TTLL7: variants seen among roughly 807,000 people sequenced by gnomAD.
TTLL7 encodes the protein tubulin polyglutamylase TTLL7.
In TTLL7, 53 loss-of-function variants were observed where a neutral mutation model predicts 120.2. The observed-to-expected ratio is 0.44, with a 90% CI of 0.35 to 0.55. TTLL7 has a LOEUF of 0.55. TTLL7 is among the 20% of genes least tolerant of loss of function. The pLI is 0.00. For missense variants in TTLL7, 803 were observed against 1,054.7 expected, an observed-to-expected ratio of 0.76 and a Z score of 3.31; for synonymous variants, 353 against 351.7, an observed-to-expected ratio of 1.00 and a Z score of -0.04.
chr1:83,897,865 T>TTAA (rs371249790), intron 18 of TTLL7, among the ~76,000 whole-genome samples: 3 of 127,370 alleles, frequency 2.4e-5, no homozygotes, highest in Admixed American at 1.7e-4. Flanking sequence ...TGTTTTCCAT[T>TTAA]AAAAAAAAAA....
chr1:83,974,740 T>C (rs959313781), intron 1 of TTLL7, among the ~76,000 whole-genome samples: 1 of 152,076 alleles, frequency 6.6e-6, no homozygotes, highest in African/African-American at 2.4e-5. Flanking sequence ...TATCGTTACA[T>C]GTTTTTATCT....
Position 83,907,439 on chromosome 1 carries a change from C to CA in TTLL7, c.1992+16dup. On this transcript the variant is annotated intron_variant, in intron 16 of 20. Coordinates refer to ENST00000260505, the MANE Select transcript of TTLL7 (RefSeq NM_024686.6). ...AGAGCTCCCTGTAATCTTGAAAGAG[C>CA]AAAACAGATGACCTACCACTTGAGA... 1 of 1,610,510 alleles carries CA rather than the reference C, an allele frequency of 6.2e-7. No homozygotes were observed. Among genetic ancestry groups the CA allele is most frequent in the Non-Finnish European group, 8.5e-7 (1 of 1,177,908 alleles).
chr1:83,952,831 A>G (rs1649181213), intron 1 of TTLL7, among the ~76,000 whole-genome samples: 1 of 152,200 alleles, frequency 6.6e-6, no homozygotes, highest in Non-Finnish European at 1.5e-5. Context: ...ATTACAACAC[A>G]GAGATTAAAA....
At chr1:83,966,558 C>T (rs994812241) in intron 1 of TTLL7, among the ~76,000 whole-genome samples, 3 of 151,922 alleles carry the variant, frequency 2.0e-5, no homozygotes, top group Non-Finnish European at 4.4e-5. Context: ...AATATAACCA[C>T]GGCCTAAACT....
intron 10 of TTLL7, among the ~76,000 whole-genome samples, chr1:83,922,434 C>T (rs1658756560): frequency 6.6e-6 from 1 of 152,002 alleles, no homozygotes; most frequent in African/African-American, 2.4e-5. Context: ...GAATATGAGT[C>T]GAAGGCCCTA....
intron 19 of TTLL7, chr1:83,887,212 C>G (rs562752134): frequency 8.7e-7 from 1 of 1,153,960 alleles, no homozygotes; most frequent in African/African-American, 1.7e-5. Context: ...CAGGCAAAGG[C>G]AAGAATCAAG....
chr1:83,998,998 G>T lies in TTLL7; in HGVS notation c.-244C>A, dbSNP rs1351825320. ...CAAGCGGTCCCCCAGGTGCTCCCGC[G>T]CCTCGCAGCTTCCCCGTGGGCGGCC... On this transcript the variant is annotated 5_prime_UTR_variant, in exon 1 of 21. Coordinates refer to ENST00000260505, the MANE Select transcript of TTLL7 (RefSeq NM_024686.6). 2.3e-6 allele frequency: 1 copy of T among 443,896 alleles called. No homozygotes were observed. Among genetic ancestry groups the T allele is most frequent in the African/African-American group, 2.1e-5 (1 of 48,504 alleles). 27.5% of individuals were successfully genotyped at this position (443,896 alleles called of 1,614,324 possible).
At chr1:83,890,296 T>C (rs755428182) in intron 19 of TTLL7, 25 bp downstream of exon 19, 2 of 1,575,280 alleles carry the variant, frequency 1.3e-6, no homozygotes, top group Non-Finnish European at 1.7e-6. Flanking sequence ...AAAATGACGA[T>C]AATAAAAGAT....
intron 18 of TTLL7, among the ~76,000 whole-genome samples, chr1:83,892,347 C>T (rs61766866): frequency 9.8e-6 from 1 of 101,620 alleles, no homozygotes; most frequent in African/African-American, 3.5e-5. Flanking sequence ...AATATATATA[C>T]GAATATATAT....
chr1:83,968,679 G>A (rs1032756269), intron 1 of TTLL7, among the ~76,000 whole-genome samples: 5 of 152,026 alleles, frequency 3.3e-5, no homozygotes, highest in African/African-American at 1.2e-4. Flanking sequence ...TGAGTTCCTT[G>A]TTATTATTCC....
At chr1:83,893,372 G>C (rs1302939473) in intron 18 of TTLL7, among the ~76,000 whole-genome samples, 2 of 151,424 alleles carry the variant, frequency 1.3e-5, no homozygotes, top group Non-Finnish European at 2.9e-5. Context: ...AAATTCTTTT[G>C]TAAAAAAACA....
In TTLL7 at chr1:83,883,025, G is replaced by A. The variant is rs768993750; in HGVS notation, c.2481C>T (p.Tyr827=). 3.7e-6 allele frequency: 6 copies of A among 1,612,712 alleles called. No homozygotes were observed. The South Asian group carries it at 6.6e-5, about 18-fold the overall frequency. ...ELCKQCLLVV[Y]KYATDKRGSL... is the part of the protein sequence containing the mutation. ...ATCCTCTTTTGTCAGTTGCATATTT[G>A]TAAACCACTAGCAGGCACTGTTTAC... is the stretch of plus-strand genomic sequence containing the variant. Residue 827 remains tyrosine, a synonymous_variant, in exon 20 of 21, where the codon TAC becomes TAT. Transcript: ENST00000260505.
intron 7 of TTLL7, among the ~76,000 whole-genome samples, chr1:83,939,208 A>C (rs1468791524): frequency 6.6e-6 from 1 of 152,172 alleles, no homozygotes; most frequent in Admixed American, 6.5e-5. Context: ...AAAAAGCATA[A>C]ATCTTATGCT....
rs138230018 is a variant in TTLL7 at position 83,873,006 on chromosome 1, A to G, written c.2544-2924T>C. On this transcript the variant is annotated intron_variant, in intron 20 of 20. Coordinates refer to ENST00000260505, the MANE Select transcript of TTLL7 (RefSeq NM_024686.6). The stretch of plus-strand genomic sequence containing the variant: ...CTCCTAGCAACCATACTATATTGTC[A>G]TGACAATTCTACATAATTATCATTG... 2.3e-3 allele frequency among the ~76,000 whole-genome samples: 351 copies of G among 152,324 alleles called. 1 individual carries two copies. The highest frequency in any genetic ancestry group is 0.01 in the Middle Eastern group (3 of 294).
intron 19 of TTLL7, among the ~76,000 whole-genome samples, chr1:83,883,748 C>T (rs1464134390): frequency 6.6e-6 from 1 of 151,986 alleles, no homozygotes; most frequent in African/African-American, 2.4e-5. Context: ...TGAATGATCC[C>T]TTGAAATGAC....
chr1:83,967,850 T>C (rs1650616601), intron 1 of TTLL7, among the ~76,000 whole-genome samples: 2 of 151,290 alleles, frequency 1.3e-5, no homozygotes, highest in East Asian at 3.9e-4. Flanking sequence ...GCAATTCTTC[T>C]CAAAAAACAA....
intron 19 of TTLL7, among the ~76,000 whole-genome samples, chr1:83,883,358 T>C (rs560760662): frequency 1.8e-4 from 28 of 152,184 alleles, no homozygotes; most frequent in African/African-American, 6.7e-4. Flanking sequence ...TGTCCGTGTG[T>C]GTGTTTGTGC....
chr1:83,911,590 G>A (rs978522264), intron 14 of TTLL7, among the ~76,000 whole-genome samples: 1 of 152,012 alleles, frequency 6.6e-6, no homozygotes. Context: ...TGAGGAATAT[G>A]TTGTTCCTAC....
At chr1:83,902,960 G>T (rs983284426) in intron 18 of TTLL7, among the ~76,000 whole-genome samples, 3 of 151,868 alleles carry the variant, frequency 2.0e-5, no homozygotes, top group African/African-American at 7.3e-5. Context: ...TCTTGCCTCG[G>T]TTACCCTAAA....
Sources: gnomAD v4.1 joint callset for allele counts (sites outside exome capture counted in the v4.1 genomes callset) on GRCh38, gnomAD v4.1.1 for gene constraint, MANE v1.5 for transcripts, NCBI Gene and HGNC (gene_info 2026-07-23, HGNC 2026-07-21) for gene names.